The following ZFP3 variants were observed in gnomAD, a reference collection of about 807,000 sequenced individuals.
The protein encoded by ZFP3 is ZFP3 zinc finger protein.
Under a neutral mutation model 36.7 loss-of-function variants are expected in ZFP3, and 18 were observed. That is an observed-to-expected ratio of 0.49 (90% confidence interval 0.34 to 0.73). ZFP3 has a LOEUF of 0.73. Among genes scored for constraint, ZFP3 ranks in the 30% least tolerant of loss-of-function variants. ZFP3 has a pLI of 0.01. For synonymous variants in ZFP3, 218 were observed against 199.0 expected (o/e 1.10, Z -0.81); for missense variants, 495 against 599.0 (o/e 0.83, Z 1.81).
rs1354834899 is a variant in ZFP3, at chr17:5,093,001, CTGTA to C, written c.1500_1503del (p.Cys500TrpfsTer46). ...ACCTCCTCCGACATCAAAGTGTTCACTGTATGGAGTAATCTGCAAAATAGGAAAG... is the reference window on the plus strand; with the variant it reads ...ACCTCCTCCGACATCAAAGTGTTCACTGGAGTAATCTGCAAAATAGGAAAG... On this transcript the variant is annotated frameshift_variant, in exon 2 of 2. Coordinates refer to ENST00000318833, the MANE Select transcript of ZFP3 (RefSeq NM_153018.3). LOFTEE classifies it high-confidence loss of function. 6.3e-7 allele frequency: 1 copy of C among 1,593,578 alleles called. No individual in the cohort carries two copies. The highest frequency in any genetic ancestry group is 8.5e-7 in the Non-Finnish European group (1 of 1,171,412).
chr17:5,088,476 CTTTTTTT>C (rs71149522), intron 1 of ZFP3, among the ~76,000 whole-genome samples: 1 of 131,312 alleles, frequency 7.6e-6, no homozygotes, highest in Non-Finnish European at 1.6e-5. Flanking sequence ...CTACTGCTTT[CTTTTTTT>C]TTTTTTTTTT....
chr17:5,087,100 A>C (rs1464425865), intron 1 of ZFP3, among the ~76,000 whole-genome samples: 1 of 72,014 alleles, frequency 1.4e-5, no homozygotes, highest in Non-Finnish European at 2.4e-5. Context: ...TTTTTTTTTG[A>C]GACAGAGTCT....
chr17:5,081,791 CG>C (rs2072094856), intron 1 of ZFP3, among the ~76,000 whole-genome samples: 1 of 150,678 alleles, frequency 6.6e-6, no homozygotes, highest in Non-Finnish European at 1.5e-5. Flanking sequence ...TTAGTAGAGG[CG>C]GGGTTTCACC....
At chr17:5,084,700 G>A (rs956896395) in intron 1 of ZFP3, among the ~76,000 whole-genome samples, 1 of 152,182 alleles carries the variant, frequency 6.6e-6, no homozygotes, top group East Asian at 1.9e-4. Context: ...TGCCCAAACT[G>A]AGGACCAGTG....
At chr17:5,087,662 A>C (rs1050018743) in intron 1 of ZFP3, among the ~76,000 whole-genome samples, 3 of 152,106 alleles carry the variant, frequency 2.0e-5, no homozygotes, top group Admixed American at 1.3e-4. Context: ...GCCTGAAGAG[A>C]GAGGAGGGAG....
At chr17:5,090,742 C>T (rs2072145488) in intron 1 of ZFP3, among the ~76,000 whole-genome samples, 2 of 152,018 alleles carry the variant, frequency 1.3e-5, no homozygotes, top group South Asian at 2.1e-4. Context: ...GCAGTCTCCA[C>T]TTATTGCAAC....
intron 1 of ZFP3, among the ~76,000 whole-genome samples, chr17:5,082,301 C>A (rs929325933): frequency 6.6e-6 from 1 of 151,848 alleles, no homozygotes; most frequent in Non-Finnish European, 1.5e-5. Context: ...GAGCCAAGAT[C>A]ACGCCACTGC....
chr17:5,091,406 T>C, intron 1 of ZFP3, 91 bp from the exon 2 acceptor site: 1 of 1,339,592 alleles, frequency 7.5e-7, no homozygotes, highest in Non-Finnish European at 1.0e-6. Context: ...CTGAGTGCTA[T>C]GAGAACTACA....
At position 5,091,519 on chromosome 17, in the gene ZFP3, C is replaced by T; in HGVS notation, c.15C>T (p.Asn5=). MGTE[N]KEVIPKEEIS... The stretch of plus-strand genomic sequence containing the variant: ...CAGATTGTGAGATGGGGACTGAGAA[C>T]AAGGAGGTGATTCCCAAGGAAGAAA... The change falls in exon 2 of 2, where the codon AAC becomes AAT. Residue 5 remains asparagine (N), a synonymous_variant. Coordinates refer to ENST00000318833, the MANE Select transcript of ZFP3 (RefSeq NM_153018.3). 6.2e-7 allele frequency: 1 copy of T among 1,613,868 alleles called. No individual in the cohort carries two copies.
chr17:5,094,825 A>G lies in ZFP3; in HGVS notation c.*1812A>G, dbSNP rs1157978833. ...TTTATGAAGGTATAATTTACGTACT[A>G]TAAAATTCACCTGTTTTAAGTGTTC... On this transcript the variant is annotated 3_prime_UTR_variant, in exon 2 of 2. Coordinates refer to ENST00000318833, the MANE Select transcript of ZFP3 (RefSeq NM_153018.3). The G allele has an allele frequency of 6.0e-6, 1 of 167,084 alleles. No homozygotes were observed. Among genetic ancestry groups the G allele is most frequent in the Non-Finnish European group, 1.5e-5 (1 of 68,126 alleles). 10.4% of individuals were successfully genotyped at this position (167,084 alleles called of 1,614,324 possible).
At chr17:5,087,730 T>G (rs1352271243) in intron 1 of ZFP3, among the ~76,000 whole-genome samples, 1 of 151,436 alleles carries the variant, frequency 6.6e-6, no homozygotes, top group African/African-American at 2.4e-5. Flanking sequence ...TTGAGAGGAG[T>G]AGGGACCTCA....
Position 5,084,328 on chromosome 17 carries a change from T to A in ZFP3, c.-9+5753T>A, listed in dbSNP as rs532011275. ...TCTCGCTCTGTCGCCCAGGCTGGAG[T>A]GCAGTGGCGGGATCTCGGCTCACTG... On this transcript the variant is annotated intron_variant, in intron 1 of 1. Transcript: ENST00000318833. Among the ~76,000 whole-genome samples, 3 of 107,848 alleles carry A rather than the reference T, an allele frequency of 2.8e-5. No individual in the cohort carries two copies. In the South Asian group the frequency reaches 1.2e-3, roughly 42 times the overall value. 70.8% of individuals were successfully genotyped at this position (107,848 alleles called of 152,430 possible). A position where few individuals can be genotyped will look rare whatever the true frequency, so the allele number is the denominator to read the frequency against.
Position 5,093,131 on chromosome 17 carries a change from G to T in ZFP3, c.*118G>T. Reference sequence around the variant, plus strand: ...CCAATGAATGGACAGAACCTCCTCTGTCCTCCCACTGATTTTAAATAGTTG... The same window carrying T: ...CCAATGAATGGACAGAACCTCCTCTTTCCTCCCACTGATTTTAAATAGTTG... On this transcript the variant is annotated 3_prime_UTR_variant, in exon 2 of 2. Coordinates refer to ENST00000318833, the MANE Select transcript of ZFP3 (RefSeq NM_153018.3). 2.8e-6 allele frequency: 3 copies of T among 1,079,874 alleles called. No homozygotes were observed. Among genetic ancestry groups the T allele is most frequent in the Non-Finnish European group, 3.8e-6 (3 of 780,498 alleles). The allele number at this position is 1,079,874 out of a possible 1,614,324, so 66.9% of individuals were successfully genotyped here.
At chr17:5,090,370 A>G (rs2072143562) in intron 1 of ZFP3, among the ~76,000 whole-genome samples, 2 of 152,332 alleles carry the variant, frequency 1.3e-5, no homozygotes, top group African/African-American at 2.4e-5. Context: ...AGACTATGGC[A>G]TAGGTGGCAT....
At chr17:5,082,240 G>A (rs778587415) in intron 1 of ZFP3, among the ~76,000 whole-genome samples, 4 of 151,830 alleles carry the variant, frequency 2.6e-5, no homozygotes, top group East Asian at 2.0e-4. Flanking sequence ...CCAGCTACTA[G>A]GGAGGCTGAG....
Position 5,091,643 on chromosome 17 carries a change from T to C in ZFP3, c.139T>C (p.Leu47=). 1 of 1,614,170 alleles carries C rather than the reference T, an allele frequency of 6.2e-7. No individual in the cohort carries two copies. Among genetic ancestry groups the C allele is most frequent in the African/African-American group, 1.3e-5 (1 of 75,044 alleles). Residue 47 remains leucine, a synonymous_variant, in exon 2 of 2, where the codon TTG becomes CTG. Coordinates refer to ENST00000318833, the MANE Select transcript of ZFP3 (RefSeq NM_153018.3). ...TGGAGCAGGATGTGAAGAAGACATG[T>C]TGGAGGGACATTCGAGAGAGTCCAT... ...EFGAGCEEDM[L]EGHSRESMEE... is the part of the protein sequence containing the mutation.
rs184785487 is a variant in ZFP3 at position 5,079,600 on chromosome 17, C to T, written c.-9+1025C>T. 3.9e-3 allele frequency among the ~76,000 whole-genome samples: 601 copies of T among 152,316 alleles called. 8 individuals are homozygous for T. The highest frequency in any genetic ancestry group is 0.014 in the African/African-American group (583 of 41,554). ...CCAGGTATCTGAAATATGCTAGGTA[C>T]TCAGAATACCAGGATGAATGGAACA... On this transcript the variant is annotated intron_variant, in intron 1 of 1. Transcript: ENST00000318833.
intron 1 of ZFP3, among the ~76,000 whole-genome samples, chr17:5,084,452 T>C (rs2072110591): frequency 1.6e-5 from 2 of 121,850 alleles, no homozygotes; most frequent in African/African-American, 3.2e-5. Context: ...ATTTTTTGTA[T>C]TTTTAGTAGA....
intron 1 of ZFP3, among the ~76,000 whole-genome samples, chr17:5,083,323 C>T (rs182513450): frequency 2.6e-5 from 4 of 152,184 alleles, no homozygotes; most frequent in Admixed American, 6.5e-5. Flanking sequence ...TTTGGGACGC[C>T]GAGGTGGATG....
Sources: gnomAD v4.1 joint callset for allele counts (sites outside exome capture counted in the v4.1 genomes callset) on GRCh38, gnomAD v4.1.1 for gene constraint, MANE v1.5 for transcripts, NCBI Gene and HGNC (gene_info 2026-07-23, HGNC 2026-07-21) for gene names.